CAPN14: variants seen among roughly 807,000 people sequenced by gnomAD.
CAPN14 encodes the protein calpain-14.
CAPN14 carries 94 observed loss-of-function variants against 101.3 expected under a neutral mutation model. The observed-to-expected ratio is 0.93, with a 90% CI of 0.79 to 1.10. The LOEUF is 1.10. CAPN14 is among the 50% of genes least tolerant of loss of function. The probability of loss-of-function intolerance (pLI) is 0.00; values close to 1 mark genes in which losing one functional copy is unlikely to be tolerated. For missense variants in CAPN14, 837 were observed against 828.4 expected (o/e 1.01, Z -0.13); for synonymous variants, 338 against 317.9 (o/e 1.06, Z -0.67).
chr2:31,208,242 A>G (rs924140712), intron 1 of CAPN14, among the ~76,000 whole-genome samples: 1 of 151,804 alleles, frequency 6.6e-6, no homozygotes, highest in East Asian at 1.9e-4. Context: ...GGCTTACCCC[A>G]TTTTCTTCCC....
intron 1 of CAPN14, among the ~76,000 whole-genome samples, chr2:31,231,871 G>A (rs530174312): frequency 1.2e-4 from 18 of 152,256 alleles, no homozygotes; most frequent in South Asian, 8.3e-4. Context: ...TGTCTGTTCC[G>A]GGTGTTTGAT....
intron 1 of CAPN14, among the ~76,000 whole-genome samples, chr2:31,215,848 G>GAAAAAAAAAAAAAAAAAAAAAAAAAAA (rs35210385): frequency 7.4e-6 from 1 of 134,390 alleles, no homozygotes. Context: ...TCTTAAAAAA[G>GAAAAAAAAAAAAAAAAAAAAAAAAAAA]AAAAAAAAAA....
rs146202393 is a variant in CAPN14, at chr2:31,200,825, A to C, written c.552-200T>G. ...GTGGTCATAGATAAAACTTAGAGGC[A>C]TCTCTCCTGCCTAGAAGACTGGGAA... On this transcript the variant is annotated intron_variant, in intron 5 of 21. Transcript: ENST00000403897. Among the ~76,000 whole-genome samples, 182 of 152,242 alleles carry C rather than the reference A, an allele frequency of 1.2e-3. 4 individuals carry two copies. In the East Asian group the frequency reaches 0.032, roughly 27 times the overall value.
At chr2:31,231,428 T>C (rs1014064766) in intron 1 of CAPN14, among the ~76,000 whole-genome samples, 8 of 152,264 alleles carry the variant, frequency 5.3e-5, no homozygotes, top group African/African-American at 1.7e-4. Context: ...GTTTTATTAT[T>C]TTTCACATAA....
At chr2:31,199,321 G>T (rs7602817) in intron 7 of CAPN14, 149 bp downstream of exon 7, 2 of 721,304 alleles carry the variant, frequency 2.8e-6, no homozygotes, top group Non-Finnish European at 4.8e-6. Context: ...CCACTTCACC[G>T]CAGGAAATAG....
At chr2:31,179,821 T>C (rs899183377) in intron 17 of CAPN14, among the ~76,000 whole-genome samples, 1 of 152,248 alleles carries the variant, frequency 6.6e-6, no homozygotes, top group African/African-American at 2.4e-5. Flanking sequence ...CCAGTGATGA[T>C]GAGCATTTTT....
intron 1 of CAPN14, among the ~76,000 whole-genome samples, chr2:31,215,740 C>A (rs1454425951): frequency 6.6e-6 from 1 of 151,344 alleles, no homozygotes; most frequent in Non-Finnish European, 1.5e-5. Flanking sequence ...AAGACTTGGC[C>A]GGTCATTTTA....
intron 8 of CAPN14, among the ~76,000 whole-genome samples, chr2:31,195,591 C>T (rs995316788): frequency 2.0e-5 from 3 of 152,166 alleles, no homozygotes; most frequent in African/African-American, 7.2e-5. Context: ...CCTTCCTCGA[C>T]CTCCCAAAGT....
At chr2:31,179,223 C>T (rs1439329898) in intron 17 of CAPN14, among the ~76,000 whole-genome samples, 2 of 151,716 alleles carry the variant, frequency 1.3e-5, no homozygotes, top group African/African-American at 4.8e-5. Context: ...TTTCCCCCTG[C>T]CCCCCACCCC....
intron 1 of CAPN14, among the ~76,000 whole-genome samples, chr2:31,208,447 A>C (rs1682218839): frequency 6.6e-6 from 1 of 152,136 alleles, no homozygotes; most frequent in African/African-American, 2.4e-5. Context: ...TCATACCTGG[A>C]TTCCTCTTCA....
chr2:31,174,695 C>T lies in CAPN14; in HGVS notation c.2041G>A (p.Ala681Thr), dbSNP rs1026329193. 8.4e-6 allele frequency: 13 copies of T among 1,551,468 alleles called. No individual in the cohort carries two copies. In the Admixed American group the frequency reaches 9.8e-5, roughly 12 times the overall value. Reference sequence around the variant, plus strand: ...ACTCAGCCTTCTCAGGAGTACAGTGCCATCATCATCCACTGGACATGTTGG... The same window carrying T: ...ACTCAGCCTTCTCAGGAGTACAGTGTCATCATCATCCACTGGACATGTTGG... ...YLQKPEWMMMALYS is the reference protein window; with the variant it reads ...YLQKPEWMMMTLYS Residue 681 changes from alanine (A) to threonine (T), a missense_variant, in exon 22 of 22, where the codon GCA (alanine) becomes ACA (threonine). By Grantham distance (58) the Ala-to-Thr change is moderately conservative (BLOSUM62 0). Transcript: ENST00000403897.
intron 1 of CAPN14, among the ~76,000 whole-genome samples, chr2:31,209,006 G>A (rs985355696): frequency 6.6e-6 from 1 of 152,090 alleles, no homozygotes; most frequent in Non-Finnish European, 1.5e-5. Context: ...GTCTCACTCT[G>A]TCACCCAAGC....
rs112426105 is a variant in CAPN14, at chr2:31,230,320, TA to T, written c.-177+3470del. Among the ~76,000 whole-genome samples, 7,063 of 152,348 alleles carry T rather than the reference TA, an allele frequency of 0.046. 201 individuals carry two copies. The highest frequency in any genetic ancestry group is 0.075 in the Middle Eastern group (22 of 294). The stretch of plus-strand genomic sequence containing the variant: ...CAAATAATGTTGCCATCAACATTCT[TA>T]AGACTTATCTCCCTATGCACATGTG... On this transcript the variant is annotated intron_variant and NMD_transcript_variant, in intron 1 of 21. Transcript: ENST00000398824. This position sits in a 1 kb window ranked among gnomAD's most constrained non-coding sequence, Gnocchi z 4.3.
At chr2:31,228,433 A>G (rs150438184) in intron 1 of CAPN14, 1 of 152,220 alleles carries the variant, frequency 6.6e-6, no homozygotes, top group Admixed American at 6.5e-5. Context: ...CTTCTGTTTC[A>G]TAGTGTCACC....
chr2:31,228,104 T>C (rs1035107122), intron 1 of CAPN14, among the ~76,000 whole-genome samples: 6 of 152,220 alleles, frequency 3.9e-5, no homozygotes, highest in African/African-American at 1.4e-4. Flanking sequence ...CGTGCATGGT[T>C]GTAGGCAGGT....
upstream of CAPN14, among the ~76,000 whole-genome samples, chr2:31,221,047 T>A (rs886624729): frequency 6.6e-6 from 1 of 152,066 alleles, no homozygotes; most frequent in Admixed American, 6.6e-5. Context: ...AAATGAAAAG[T>A]CATCGCCAAG....
At chr2:31,207,236 A>T (rs1682145199) in intron 1 of CAPN14, among the ~76,000 whole-genome samples, 1 of 152,086 alleles carries the variant, frequency 6.6e-6, no homozygotes, top group Non-Finnish European at 1.5e-5. Flanking sequence ...CCCAAAGTCT[A>T]ACTTGAGTCC....
At chr2:31,192,139 C>A in intron 10 of CAPN14, 41 bp from the exon 11 acceptor site, 2 of 1,497,472 alleles carry the variant, frequency 1.3e-6, no homozygotes, top group Non-Finnish European at 8.9e-7. Context: ...GCCCCGGATC[C>A]CCATGCATCC....
rs1680197541 is a variant in CAPN14 at position 31,174,492 on chromosome 2, T to C, written c.*189A>G. The C allele has an allele frequency of 3.2e-6, 2 of 624,514 alleles. No individual in the cohort carries two copies. Among genetic ancestry groups the C allele is most frequent in the Non-Finnish European group, 5.7e-6 (2 of 353,926 alleles). The allele number at this position is 624,514 out of a possible 1,614,324, so 38.7% of individuals were successfully genotyped here. On this transcript the variant is annotated 3_prime_UTR_variant, in exon 22 of 22. Transcript: ENST00000403897. ...TCTGATGTAATCTTTACTTCCTCCCTTCCCTTTCTGCATGCTGGCCATGCA... is the reference window on the plus strand; with the variant it reads ...TCTGATGTAATCTTTACTTCCTCCCCTCCCTTTCTGCATGCTGGCCATGCA...
Sources: allele counts gnomAD v4.1 joint callset (sites outside exome capture counted in the v4.1 genomes callset), GRCh38; gene constraint gnomAD v4.1.1; non-coding constraint Gnocchi (gnomAD v3.1); transcripts MANE v1.5; gene names NCBI Gene and HGNC (gene_info 2026-07-23, HGNC 2026-07-21).